Variants in TMEM132D observed in about 807,000 individuals in gnomAD.
TMEM132D encodes the protein transmembrane protein 132D, also known as mature OL transmembrane protein.
Under a neutral mutation model 62.3 loss-of-function variants are expected in TMEM132D, and 21 were observed. That is an observed-to-expected ratio of 0.34 (90% CI 0.24 to 0.49). The LOEUF (loss-of-function observed/expected upper bound fraction) is 0.49, where lower values mean the gene tolerates loss of function less well. Ranked by LOEUF, TMEM132D falls within the 20% of genes least tolerant of loss-of-function variation. The probability of loss-of-function intolerance (pLI) is 0.99; values close to 1 mark genes in which losing one functional copy is unlikely to be tolerated. For synonymous variants in TMEM132D, 621 were observed against 575.6 expected (o/e 1.08, Z -1.13); for missense variants, 1,346 against 1,402.8 (o/e 0.96, Z 0.65).
intron 1 of TMEM132D, among the ~76,000 whole-genome samples, chr12:129,808,165 T>C (rs1162920797): frequency 6.6e-6 from 1 of 152,142 alleles, no homozygotes; most frequent in African/African-American, 2.4e-5. Context: ...ATTACACAAA[T>C]ATCATGGAGC....
intron 3 of TMEM132D, among the ~76,000 whole-genome samples, chr12:129,338,018 C>G (rs1181326250): frequency 6.6e-6 from 1 of 152,252 alleles, no homozygotes; most frequent in Non-Finnish European, 1.5e-5. Flanking sequence ...TTAGCCTGGG[C>G]TTAGATACTG....
intron 2 of TMEM132D, among the ~76,000 whole-genome samples, chr12:129,665,016 G>A (rs560565570): frequency 6.6e-6 from 1 of 151,944 alleles, no homozygotes; most frequent in Admixed American, 6.5e-5. Context: ...CCTGTCTCCA[G>A]AGTCTACACG....
intron 4 of TMEM132D, among the ~76,000 whole-genome samples, chr12:129,295,130 A>C (rs1308636262): frequency 6.6e-6 from 1 of 152,246 alleles, no homozygotes; most frequent in Non-Finnish European, 1.5e-5. Flanking sequence ...AATTCTCAGC[A>C]GACTGCCTTT....
At chr12:129,678,532 C>A (rs1223680979) in intron 2 of TMEM132D, among the ~76,000 whole-genome samples, 2 of 152,078 alleles carry the variant, frequency 1.3e-5, no homozygotes, top group Non-Finnish European at 2.9e-5. Context: ...TGAACAACAG[C>A]CATTCTTCAT....
At chr12:129,227,714 C>T (rs1879519827) in intron 4 of TMEM132D, among the ~76,000 whole-genome samples, 1 of 151,912 alleles carries the variant, frequency 6.6e-6, no homozygotes, top group African/African-American at 2.4e-5. Context: ...TCATCATTTA[C>T]ATTAGGTATA....
rs535650678 is a variant in TMEM132D, at chr12:129,585,941, A to G, written c.969-54736T>C. 3.9e-5 allele frequency among the ~76,000 whole-genome samples: 6 copies of G among 152,244 alleles called. No homozygotes were observed. The East Asian group carries it at 1.2e-3, about 29-fold the overall frequency. On this transcript the variant is annotated intron_variant, in intron 2 of 8. Coordinates refer to ENST00000422113, the MANE Select transcript of TMEM132D (RefSeq NM_133448.3). The stretch of plus-strand genomic sequence containing the variant: ...GAGGGGGAAAAGAAAAACATAATAG[A>G]GAAAGATTCATCCTATTATATGTCA...
At chr12:129,688,426 G>A (rs188549913) in intron 2 of TMEM132D, among the ~76,000 whole-genome samples, 2 of 152,236 alleles carry the variant, frequency 1.3e-5, no homozygotes, top group Non-Finnish European at 2.9e-5. Context: ...GGGGTCAGAT[G>A]GTCCTAATGA....
At chr12:129,902,236 T>C (rs1045884900) in intron 1 of TMEM132D, among the ~76,000 whole-genome samples, 1 of 152,234 alleles carries the variant, frequency 6.6e-6, no homozygotes, top group African/African-American at 2.4e-5. Context: ...ACTTTGTGCG[T>C]GATAATTGGC....
chr12:129,082,365 G>A (rs1192391694), intron 6 of TMEM132D, among the ~76,000 whole-genome samples: 1 of 152,196 alleles, frequency 6.6e-6, no homozygotes, highest in Non-Finnish European at 1.5e-5. Flanking sequence ...TGGCAAAAGT[G>A]ATTGGATGGT....
intron 3 of TMEM132D, among the ~76,000 whole-genome samples, chr12:129,446,366 C>A (rs748742091): frequency 4.6e-5 from 7 of 152,184 alleles, no homozygotes; most frequent in Admixed American, 6.5e-5. Context: ...GTGTTGTGCA[C>A]TGTACCCTCC....
At chr12:129,294,060 T>C (rs1881512411) in intron 4 of TMEM132D, among the ~76,000 whole-genome samples, 2 of 152,248 alleles carry the variant, frequency 1.3e-5, no homozygotes, top group South Asian at 2.1e-4. Flanking sequence ...TGTAAAGTTA[T>C]AAAACTATTT....
At chr12:129,327,163 C>T (rs1380968317) in intron 4 of TMEM132D, among the ~76,000 whole-genome samples, 1 of 152,130 alleles carries the variant, frequency 6.6e-6, no homozygotes, top group Admixed American at 6.5e-5. Context: ...ATCTGACCTC[C>T]TCTCTCCTCT....
chr12:129,851,070 C>T (rs1273423276), intron 1 of TMEM132D, among the ~76,000 whole-genome samples: 1 of 152,158 alleles, frequency 6.6e-6, no homozygotes, highest in Non-Finnish European at 1.5e-5. Flanking sequence ...TCTCAATATT[C>T]ATGCAAATAT....
At chr12:129,402,677 C>T (rs994247258) in intron 3 of TMEM132D, among the ~76,000 whole-genome samples, 1 of 152,158 alleles carries the variant, frequency 6.6e-6, no homozygotes. Flanking sequence ...CTCAAGCGAT[C>T]CTCCCATCTC....
intron 2 of TMEM132D, among the ~76,000 whole-genome samples, chr12:129,599,712 A>AT (rs1476591089): frequency 6.6e-6 from 1 of 152,168 alleles, no homozygotes; most frequent in Admixed American, 6.5e-5. Flanking sequence ...TGAGTCACAC[A>AT]TTTTTTGGTT....
chr12:129,420,610 G>A (rs1210737481), intron 3 of TMEM132D, among the ~76,000 whole-genome samples: 1 of 152,140 alleles, frequency 6.6e-6, no homozygotes, highest in Non-Finnish European at 1.5e-5. Flanking sequence ...AAGTCCTGCA[G>A]GAAGTTACAA....
intron 5 of TMEM132D, among the ~76,000 whole-genome samples, chr12:129,177,326 G>A: frequency 6.6e-6 from 1 of 152,094 alleles, no homozygotes; most frequent in Admixed American, 6.5e-5. Flanking sequence ...CAGCTCCAAT[G>A]AAGCATATAT....
At chr12:129,837,744 T>C (rs1280541577) in intron 1 of TMEM132D, among the ~76,000 whole-genome samples, 1 of 152,154 alleles carries the variant, frequency 6.6e-6, no homozygotes, top group Non-Finnish European at 1.5e-5. Flanking sequence ...CACACCCATG[T>C]CTCTCTCAGA....
In TMEM132D at chr12:129,092,650, C is replaced by T. The variant is rs368149074; in HGVS notation, c.1444-7948G>A. ...GCGGAGGTTGCAGTGAGCTGAGACTCGCGCCATTTTACTCCAGCCTGGGCA... is the reference window on the plus strand; with the variant it reads ...GCGGAGGTTGCAGTGAGCTGAGACTTGCGCCATTTTACTCCAGCCTGGGCA... On this transcript the variant is annotated intron_variant, in intron 5 of 8. Transcript: ENST00000422113. Among the ~76,000 whole-genome samples, 540 of 152,148 alleles carry T rather than the reference C, an allele frequency of 3.5e-3. 2 individuals are homozygous for T. Among genetic ancestry groups the T allele is most frequent in the Non-Finnish European group, 4.2e-3 (287 of 68,018 alleles).
Sources: gnomAD v4.1 joint callset for allele counts (sites outside exome capture counted in the v4.1 genomes callset) on GRCh38, gnomAD v4.1.1 for gene constraint, MANE v1.5 for transcripts, NCBI Gene and HGNC (gene_info 2026-07-23, HGNC 2026-07-21) for gene names.